The following MECOM variants were observed in gnomAD, a reference collection of about 807,000 sequenced individuals.
The protein encoded by MECOM is histone-lysine N-methyltransferase MECOM.
MECOM carries 13 observed loss-of-function variants against 116.3 expected under a neutral mutation model. The ratio of observed to expected loss-of-function variants is 0.11; its 90% confidence interval spans 0.07 to 0.18. The LOEUF is 0.18. MECOM is among the 10% of genes least tolerant of loss of function. MECOM has a pLI of 1.00. For synonymous variants in MECOM, 528 were observed against 535.2 expected (o/e 0.99, Z 0.19); for missense variants, 1,299 against 1,509.0 (o/e 0.86, Z 2.31).
chr3:169,602,038 G>C (rs1767897130), intron 1 of MECOM, among the ~76,000 whole-genome samples: 1 of 152,070 alleles, frequency 6.6e-6, no homozygotes, highest in Non-Finnish European at 1.5e-5. Flanking sequence ...CCACGTATGG[G>C]GAAAGAAGAA....
At chr3:169,094,994 G>A in intron 13 of MECOM, 82 bp downstream of exon 13, 1 of 1,235,926 alleles carries the variant, frequency 8.1e-7, no homozygotes, top group Non-Finnish European at 1.1e-6. Flanking sequence ...TGGAATAAAA[G>A]AAGAAAGATC....
chr3:169,463,794 C>A (rs3817581), intron 1 of MECOM: 1 of 151,998 alleles, frequency 6.6e-6, no homozygotes, highest in Non-Finnish European at 1.5e-5. Flanking sequence ...GCCTTTGTTT[C>A]CTCTTAAATG....
At chr3:169,309,722 C>T (rs958042461) in intron 2 of MECOM, among the ~76,000 whole-genome samples, 9 of 152,128 alleles carry the variant, frequency 5.9e-5, no homozygotes, top group African/African-American at 1.4e-4. Context: ...TGAAGCATCA[C>T]GGTGTAAGAG....
intron 16 of MECOM, among the ~76,000 whole-genome samples, chr3:169,086,122 A>G (rs937070786): frequency 6.6e-6 from 1 of 152,150 alleles, no homozygotes; most frequent in African/African-American, 2.4e-5. Flanking sequence ...TTACCCTTGT[A>G]GGCTGATTTT....
At position 169,260,715 on chromosome 3, in the gene MECOM, T is replaced by C. The variant is rs565212880; in HGVS notation, c.376-116883A>G. 1.6e-3 allele frequency among the ~76,000 whole-genome samples: 240 copies of C among 152,328 alleles called. 2 individuals carry two copies. The highest frequency in any genetic ancestry group is 5.5e-3 in the African/African-American group (230 of 41,584). On this transcript the variant is annotated intron_variant, in intron 2 of 16. Coordinates refer to ENST00000651503, the MANE Select transcript of MECOM (RefSeq NM_004991.4). ...TTTCTGCACTTGTCGAGAATGATAA[T>C]ATATGTTGGAATAAAATCTAGATTT... is the stretch of plus-strand genomic sequence containing the variant.
intron 1 of MECOM, among the ~76,000 whole-genome samples, chr3:169,461,803 A>G (rs1446033735): frequency 3.3e-5 from 5 of 152,168 alleles, no homozygotes; most frequent in Admixed American, 1.3e-4. Context: ...GATTTAAGGC[A>G]TCTTATGGGA....
At chr3:169,190,779 T>C (rs1351506781) in intron 2 of MECOM, among the ~76,000 whole-genome samples, 1 of 152,034 alleles carries the variant, frequency 6.6e-6, no homozygotes, top group African/African-American at 2.4e-5. Context: ...TTGGAATAGA[T>C]TGTACAATGC....
chr3:169,425,162 C>T lies in MECOM; in HGVS notation c.38-43638G>A, dbSNP rs74552827. Reference sequence around the variant, plus strand: ...GAATCAACGAAAATTTATAAGCTTACAGAATAAAAATCTAATTCTCCTGTC... The same window carrying T: ...GAATCAACGAAAATTTATAAGCTTATAGAATAAAAATCTAATTCTCCTGTC... On this transcript the variant is annotated intron_variant, in intron 1 of 16. Transcript: ENST00000651503. Among the ~76,000 whole-genome samples, 277 of 150,386 alleles carry T rather than the reference C, an allele frequency of 1.8e-3. 5 individuals carry two copies. In the East Asian group the frequency reaches 0.05, roughly 27 times the overall value.
intron 2 of MECOM, among the ~76,000 whole-genome samples, chr3:169,205,369 G>A (rs182810198): frequency 1.3e-5 from 2 of 152,144 alleles, no homozygotes; most frequent in African/African-American, 4.8e-5. Context: ...TTTTTGAAAT[G>A]TGTTCATAGG....
At chr3:169,266,734 T>G (rs942873386) in intron 2 of MECOM, among the ~76,000 whole-genome samples, 1 of 152,200 alleles carries the variant, frequency 6.6e-6, no homozygotes, top group Non-Finnish European at 1.5e-5. Context: ...AATATTATTA[T>G]GCTTCCAAAT....
In MECOM at chr3:169,252,250, A is replaced by T. The variant is rs1428002535; in HGVS notation, c.376-108418T>A. Among the ~76,000 whole-genome samples, 3 of 152,072 alleles carry T rather than the reference A, an allele frequency of 2.0e-5. No individual in the cohort carries two copies. In the South Asian group the frequency reaches 6.2e-4, roughly 31 times the overall value. On this transcript the variant is annotated intron_variant, in intron 2 of 16. Coordinates refer to ENST00000651503, the MANE Select transcript of MECOM (RefSeq NM_004991.4). ...ATATACTAGCCTAGATATCTTTGAC[A>T]AATAGGAGTATAAATCAAACAAAAA...
At chr3:169,622,339 C>T (rs1278608541) in intron 1 of MECOM, among the ~76,000 whole-genome samples, 1 of 152,056 alleles carries the variant, frequency 6.6e-6, no homozygotes, top group Non-Finnish European at 1.5e-5. Flanking sequence ...TGATCTGCCC[C>T]CCTAGGCCTC....
chr3:169,451,951 C>G (rs1173432700), intron 1 of MECOM, among the ~76,000 whole-genome samples: 2 of 151,716 alleles, frequency 1.3e-5, no homozygotes, highest in Non-Finnish European at 2.9e-5. Context: ...CTGTTTTTCT[C>G]CTTACTTCTG....
chr3:169,589,581 A>G (rs1171643545), intron 1 of MECOM, among the ~76,000 whole-genome samples: 1 of 152,106 alleles, frequency 6.6e-6, no homozygotes, highest in African/African-American at 2.4e-5. Flanking sequence ...CAGCTCTGGC[A>G]TTTTATGATT....
intron 1 of MECOM, among the ~76,000 whole-genome samples, chr3:169,585,823 T>C (rs1765710563): frequency 6.6e-6 from 1 of 152,234 alleles, no homozygotes; most frequent in Admixed American, 6.5e-5. Context: ...AAATGAATGA[T>C]TGCCATTCAA....
intron 1 of MECOM, among the ~76,000 whole-genome samples, chr3:169,556,044 G>A (rs1248370964): frequency 2.6e-5 from 4 of 152,224 alleles, no homozygotes; most frequent in Middle Eastern, 6.8e-3. Context: ...GAGAAAATGT[G>A]GATTGTAAGT....
intron 2 of MECOM, among the ~76,000 whole-genome samples, chr3:169,312,978 T>C (rs1245727210): frequency 6.6e-6 from 1 of 152,134 alleles, no homozygotes; most frequent in Non-Finnish European, 1.5e-5. Flanking sequence ...TGTGAAAAGA[T>C]CTAAGTACTG....
chr3:169,447,595 G>A (rs1744869458), intron 1 of MECOM, among the ~76,000 whole-genome samples: 2 of 152,194 alleles, frequency 1.3e-5, no homozygotes, highest in South Asian at 4.1e-4. Flanking sequence ...TGTCAACTCT[G>A]TCACTGTCTT....
At chr3:169,199,036 C>A (rs1468545298) in intron 2 of MECOM, among the ~76,000 whole-genome samples, 1 of 152,030 alleles carries the variant, frequency 6.6e-6, no homozygotes, top group African/African-American at 2.4e-5. Context: ...CATTTATTGA[C>A]AGCCACTCAT....
Sources: gnomAD v4.1 joint callset for allele counts (sites outside exome capture counted in the v4.1 genomes callset) on GRCh38, gnomAD v4.1.1 for gene constraint, MANE v1.5 for transcripts, NCBI Gene and HGNC (gene_info 2026-07-23, HGNC 2026-07-21) for gene names.